Variants in SFPQ observed in about 807,000 individuals in gnomAD.
SFPQ encodes the protein splicing factor proline and glutamine rich, also known as splicing factor, proline- and glutamine-rich.
In SFPQ, 11 loss-of-function variants were observed where a neutral mutation model predicts 72.9. That is an observed-to-expected ratio of 0.15 (90% CI 0.09 to 0.25). The LOEUF is 0.25. Ranked by LOEUF, SFPQ falls within the 10% of genes least tolerant of loss-of-function variation. The pLI, the probability that SFPQ is intolerant of heterozygous loss-of-function variation, is 1.00. For missense variants in SFPQ, 847 were observed against 993.3 expected (o/e 0.85, Z 1.98); for synonymous variants, 506 against 367.3 (o/e 1.38, Z -4.32).
rs1427219989 is a variant in SFPQ, at chr1:35,192,957, G to T, written c.93C>A (p.Phe31Leu). ...GGGGRGGLHD[F>L]RSPPPGMGLN... ...GGCCCATGCCGGGCGGCGGAGAACG[G>T]AAGTCGTGGAGGCCGCCGCGGCCGC... The change falls in exon 1 of 10, where the codon TTC becomes TTA. Residue 31 changes from phenylalanine (F) to leucine (L), a missense_variant. Transcript: ENST00000357214. The T allele has an allele frequency of 6.3e-7, 1 of 1,584,458 alleles. No individual in the cohort carries two copies. The highest frequency in any genetic ancestry group is 8.5e-7 in the Non-Finnish European group (1 of 1,173,698).
At chr1:35,186,695 AATTTGG>A (rs1378046923) in intron 9 of SFPQ, among the ~76,000 whole-genome samples, 1 of 152,188 alleles carries the variant, frequency 6.6e-6, no homozygotes, top group African/African-American at 2.4e-5. Context: ...TAGCATCTAG[AATTTGG>A]ATTTGCCATG....
rs1446036230 is a variant in SFPQ, at chr1:35,192,805, G to GGCT, written c.242_244dup (p.Gln81dup). 6.7e-7 allele frequency: 1 copy of GGCT among 1,502,826 alleles called. No homozygotes were observed. The highest frequency in any genetic ancestry group is 8.8e-7 in the Non-Finnish European group (1 of 1,133,730). The allele number at this position is 1,502,826 out of a possible 1,614,324, so 93.1% of individuals were successfully genotyped here. A position where few individuals can be genotyped will look rare whatever the true frequency, so the allele number is the denominator to read the frequency against. ...ATGCGGCGGCGGCTGATGCGGTGGC[G>GGCT]GCTGCTGCGGCGGTGGCTGCTGCGG... On this transcript the variant is annotated inframe_insertion, in exon 1 of 10. Transcript: ENST00000357214.
chr1:35,180,618 T>C (rs546703687), downstream of SFPQ: 1 of 1,050,272 alleles, frequency 9.5e-7, no homozygotes, highest in Non-Finnish European at 1.1e-6. Context: ...CCCATGTTTT[T>C]AAAAATTTTA....
In SFPQ at chr1:35,188,048, AATC is replaced by A. The variant is rs1404754933; in HGVS notation, c.1737_1739del (p.Met579del). On this transcript the variant is annotated inframe_deletion, in exon 7 of 10. Transcript: ENST00000357214. Reference sequence around the variant, plus strand: ...TTTGTTCTTCCATCTCACGTTGACGAATCATCATCTCTTCCTCTCTTCTACGTC... The same window carrying A: ...TTTGTTCTTCCATCTCACGTTGACGAATCATCTCTTCCTCTCTTCTACGTC... The A allele has an allele frequency of 6.2e-7, 1 of 1,614,138 alleles. No individual in the cohort carries two copies. Among genetic ancestry groups the A allele is most frequent in the Non-Finnish European group, 8.5e-7 (1 of 1,180,022 alleles).
downstream of SFPQ, chr1:35,182,765 A>T (rs945204345): frequency 2.0e-6 from 2 of 985,308 alleles, no homozygotes; most frequent in African/African-American, 1.7e-5. Flanking sequence ...CAAACCATTC[A>T]ATTACTTTAC....
At position 35,183,447 on chromosome 1, in the gene SFPQ, G is replaced by A. The variant is rs1295797273; in HGVS notation, c.*1009C>T. The A allele has an allele frequency of 4.0e-6, 2 of 497,912 alleles. No individual in the cohort carries two copies. The highest frequency in any genetic ancestry group is 5.3e-6 in the Non-Finnish European group (2 of 378,086). 30.8% of individuals were successfully genotyped at this position (497,912 alleles called of 1,614,324 possible). On this transcript the variant is annotated 3_prime_UTR_variant, in exon 10 of 10. Transcript: ENST00000357214. ...TTGGCCAGGCTGGTCTTGAACTCCTGATCTCATGATTTGCCCACCTCAGCC... is the reference window on the plus strand; with the variant it reads ...TTGGCCAGGCTGGTCTTGAACTCCTAATCTCATGATTTGCCCACCTCAGCC...
At position 35,184,449 on chromosome 1, in the gene SFPQ, A is replaced by G. The variant is rs775602537; in HGVS notation, c.*7T>C. 3.9e-5 allele frequency: 62 copies of G among 1,604,930 alleles called. No individual in the cohort carries two copies. In the East Asian group the frequency reaches 1.3e-3, roughly 34 times the overall value. Reference sequence around the variant, plus strand: ...AACAAACTGGAATGAAAGCCTAAATATCACATCTAAAATCGGGGTTTTTTG... The same window carrying G: ...AACAAACTGGAATGAAAGCCTAAATGTCACATCTAAAATCGGGGTTTTTTG... On this transcript the variant is annotated 3_prime_UTR_variant, in exon 10 of 10. Coordinates refer to ENST00000357214, the MANE Select transcript of SFPQ (RefSeq NM_005066.3).
chr1:35,180,866 A>G, downstream of SFPQ: 3 of 985,438 alleles, frequency 3.0e-6, no homozygotes, highest in Non-Finnish European at 3.6e-6. Flanking sequence ...CTTCAGTTAC[A>G]ATGCAACTAA....
intron 6 of SFPQ, 61 bp from the exon 7 acceptor site, chr1:35,188,151 G>T: frequency 7.8e-7 from 1 of 1,277,246 alleles, no homozygotes. Flanking sequence ...AATTCAATGT[G>T]AAGAAACCTA....
rs1294406702 is a variant in SFPQ, at chr1:35,188,036, C to T, written c.1752G>A (p.Glu584=). The change falls in exon 7 of 10, where the codon GAG becomes GAA. Residue 584 remains glutamate, a synonymous_variant. Transcript: ENST00000357214. ...REEEMMIRQR[E]MEEQMRRQRE... ...TTTGGCGCCTCATTTGTTCTTCCATCTCACGTTGACGAATCATCATCTCTT... is the reference window on the plus strand; with the variant it reads ...TTTGGCGCCTCATTTGTTCTTCCATTTCACGTTGACGAATCATCATCTCTT... The T allele has an allele frequency of 6.2e-7, 1 of 1,614,174 alleles. No homozygotes were observed. Among genetic ancestry groups the T allele is most frequent in the South Asian group, 1.1e-5 (1 of 91,084 alleles).
chr1:35,178,978 T>C (rs1225236191), downstream of SFPQ: 5 of 1,056,064 alleles, frequency 4.7e-6, no homozygotes, highest in Non-Finnish European at 5.7e-6. Flanking sequence ...AGATTTCCAG[T>C]TGAGTCTTAA....
Position 35,184,510 on chromosome 1 carries a change from T to C in SFPQ, c.2070A>G (p.Gly690=). 1 of 1,613,418 alleles carries C rather than the reference T, an allele frequency of 6.2e-7. No individual in the cohort carries two copies. Among genetic ancestry groups the C allele is most frequent in the Non-Finnish European group, 8.5e-7 (1 of 1,179,722 alleles). ...PRGMGPGTPA[G]YGRGREEYEG... ...CGTACTCTTCTCTCCCTCTACCATA[T>C]CCTGCTGGAGTTCCAGGCCCCATTC... The change falls in exon 10 of 10, where the codon GGA becomes GGG. Residue 690 remains glycine, a synonymous_variant. Coordinates refer to ENST00000357214, the MANE Select transcript of SFPQ (RefSeq NM_005066.3).
downstream of SFPQ, chr1:35,181,867 A>C: frequency 1.0e-6 from 1 of 985,332 alleles, no homozygotes; most frequent in Middle Eastern, 5.2e-4. Context: ...TATTTGAGTA[A>C]GCTTACAACC....
intron 4 of SFPQ, chr1:35,177,682 T>TG (rs1639302997): frequency 6.5e-6 from 1 of 154,400 alleles, no homozygotes; most frequent in Non-Finnish European, 1.4e-5. Flanking sequence ...GAGTTTTAGA[T>TG]GGAGTCTAAA....
chr1:35,184,230 A>T lies in SFPQ; in HGVS notation c.*226T>A. 7.7e-7 allele frequency: 1 copy of T among 1,302,006 alleles called. No individual in the cohort carries two copies. Among genetic ancestry groups the T allele is most frequent in the Non-Finnish European group, 9.7e-7 (1 of 1,031,290 alleles). The allele number at this position is 1,302,006 out of a possible 1,614,324, so 80.7% of individuals were successfully genotyped here. A position where few individuals can be genotyped will look rare whatever the true frequency, so the allele number is the denominator to read the frequency against. ...GCCATAAACTTGAGGGACATTATAC[A>T]GTAAAAAAGAAAAAATAAAGAAATA... is the stretch of plus-strand genomic sequence containing the variant. On this transcript the variant is annotated 3_prime_UTR_variant, in exon 10 of 10. Coordinates refer to ENST00000357214, the MANE Select transcript of SFPQ (RefSeq NM_005066.3).
chr1:35,186,229 ACT>A (rs1369158416), intron 9 of SFPQ, among the ~76,000 whole-genome samples: 1 of 152,086 alleles, frequency 6.6e-6, no homozygotes, highest in Admixed American at 6.6e-5. Flanking sequence ...ATAAAAATGC[ACT>A]CTCTAAACCC....
chr1:35,181,081 C>T (rs1000109361), downstream of SFPQ: 2 of 1,064,732 alleles, frequency 1.9e-6, no homozygotes, highest in Non-Finnish European at 2.3e-6. Flanking sequence ...AGAATGCCCA[C>T]GGAATAAAAG....
At chr1:35,182,514 C>T (rs1056313915), downstream of SFPQ, 2 of 985,396 alleles carry the variant, frequency 2.0e-6, no homozygotes, top group Non-Finnish European at 2.4e-6. Context: ...CTTTTATACA[C>T]TAGTGTTTAC....
At chr1:35,189,511 C>G (rs1557806376) in intron 4 of SFPQ, 129 bp from the exon 5 acceptor site, 4 of 637,234 alleles carry the variant, frequency 6.3e-6, no homozygotes, top group Non-Finnish European at 7.9e-6. Context: ...TTTCCTGATT[C>G]ATCTATAAAT....
Sources: gnomAD v4.1 joint callset for allele counts (sites outside exome capture counted in the v4.1 genomes callset) on GRCh38, gnomAD v4.1.1 for gene constraint, MANE v1.5 for transcripts, NCBI Gene and HGNC (gene_info 2026-07-23, HGNC 2026-07-21) for gene names.